Variants in RASA3 observed in about 807,000 individuals in gnomAD.
RASA3 encodes ras GTPase-activating protein 3.
RASA3 carries 73 observed loss-of-function variants against 110.0 expected under a neutral mutation model. The ratio of observed to expected loss-of-function variants is 0.66; its 90% CI spans 0.55 to 0.81. The LOEUF (loss-of-function observed/expected upper bound fraction) is 0.81, where lower values mean the gene tolerates loss of function less well. RASA3 is among the 30% of genes least tolerant of loss of function. The pLI is 0.00. For missense variants in RASA3, 976 were observed against 1,113.2 expected (o/e 0.88, Z 1.75); for synonymous variants, 500 against 451.4 (o/e 1.11, Z -1.37).
intron 2 of RASA3, among the ~76,000 whole-genome samples, chr13:114,066,415 G>A (rs1262504562): frequency 4.6e-5 from 7 of 152,182 alleles, no homozygotes; most frequent in African/African-American, 2.4e-5. Flanking sequence ...GGAGGCGGCC[G>A]GGCGAGAGGA....
At chr13:114,030,405 C>T (rs962443609) in intron 4 of RASA3, among the ~76,000 whole-genome samples, 2 of 68,336 alleles carry the variant, frequency 2.9e-5, no homozygotes, top group Non-Finnish European at 6.7e-5. Flanking sequence ...GCAAGACTCA[C>T]GCAGAGAGCA....
chr13:114,033,205 G>A (rs1188072554), intron 4 of RASA3, among the ~76,000 whole-genome samples: 81 of 38,916 alleles, frequency 2.1e-3, no homozygotes, highest in South Asian at 3.5e-3. Flanking sequence ...CTGACACCAC[G>A]CCCCACAGCA....
At chr13:114,020,795 G>A (rs2053910198) in intron 9 of RASA3, among the ~76,000 whole-genome samples, 1 of 152,244 alleles carries the variant, frequency 6.6e-6, no homozygotes, top group Admixed American at 6.5e-5. Context: ...GACGTGCAGA[G>A]GGGAGTAGAG....
chr13:114,104,119 T>C (rs182654840), intron 1 of RASA3, among the ~76,000 whole-genome samples: 6 of 7,390 alleles, frequency 8.1e-4, no homozygotes, highest in Admixed American at 1.7e-3. Flanking sequence ...CACCCACCCC[T>C]GATGCGTCCA....
chr13:114,032,198 AG>A (rs1474841815), intron 4 of RASA3, among the ~76,000 whole-genome samples: 2 of 152,050 alleles, frequency 1.3e-5, no homozygotes, highest in African/African-American at 2.4e-5. Flanking sequence ...CCACAAATGC[AG>A]GGGGGATCAC....
chr13:114,045,176 G>C (rs2079032813), intron 3 of RASA3, among the ~76,000 whole-genome samples: 1 of 151,808 alleles, frequency 6.6e-6, no homozygotes, highest in South Asian at 2.1e-4. Context: ...ATGCTGACCT[G>C]AGAGAATGCC....
At chr13:114,120,882 A>C (rs937422268) in intron 1 of RASA3, among the ~76,000 whole-genome samples, 4 of 152,228 alleles carry the variant, frequency 2.6e-5, no homozygotes, top group Non-Finnish European at 5.9e-5. Context: ...CTTCTCACAC[A>C]GATCTAAGAG....
intron 1 of RASA3, among the ~76,000 whole-genome samples, chr13:114,113,570 CG>C (rs2080244037): frequency 6.6e-6 from 1 of 151,644 alleles, no homozygotes; most frequent in Non-Finnish European, 1.5e-5. Context: ...CCCACCACGG[CG>C]AGTGATGTCC....
chr13:114,062,567 C>T (rs1386991838), intron 2 of RASA3, among the ~76,000 whole-genome samples: 2 of 133,184 alleles, frequency 1.5e-5, no homozygotes, highest in South Asian at 2.3e-4. Context: ...CGCACGCAGA[C>T]TCGGACACGC....
chr13:114,038,849 C>T (rs564915017), intron 4 of RASA3, among the ~76,000 whole-genome samples: 9 of 152,332 alleles, frequency 5.9e-5, no homozygotes, highest in East Asian at 5.8e-4. Context: ...CCTGAACTTG[C>T]GGGCACAGAG....
intron 1 of RASA3, among the ~76,000 whole-genome samples, chr13:114,104,728 C>T (rs1231909182): frequency 2.0e-5 from 3 of 152,176 alleles, no homozygotes; most frequent in Non-Finnish European, 2.9e-5. Context: ...TCCTTATTTA[C>T]GACTCAGGAC....
intron 3 of RASA3, among the ~76,000 whole-genome samples, chr13:114,045,387 G>A (rs547901321): frequency 2.6e-5 from 4 of 152,314 alleles, no homozygotes; most frequent in Non-Finnish European, 5.9e-5. Context: ...GGCCAGGCCC[G>A]TTCAGAAAGG....
rs139459966 is a variant in RASA3 at position 114,129,741 on chromosome 13, T to C, written c.55+2694A>G. Among the ~76,000 whole-genome samples, 560 of 152,312 alleles carry C rather than the reference T, an allele frequency of 3.7e-3. 3 individuals carry two copies. Among genetic ancestry groups the C allele is most frequent in the African/African-American group, 0.013 (534 of 41,572 alleles). On this transcript the variant is annotated intron_variant, in intron 1 of 23. Transcript: ENST00000334062. ...CCTTGTACGTTCCCACCGGATGTAG[T>C]AGACAATAATTGCCTGGCTTTTGCA...
intron 22 of RASA3, among the ~76,000 whole-genome samples, chr13:113,992,161 G>A (rs953673850): frequency 6.6e-6 from 1 of 152,176 alleles, no homozygotes; most frequent in African/African-American, 2.4e-5. Flanking sequence ...TCACATACGT[G>A]TCCACACACA....
chr13:114,129,772 A>T (rs2080494275), intron 1 of RASA3, among the ~76,000 whole-genome samples: 1 of 152,192 alleles, frequency 6.6e-6, no homozygotes, highest in Non-Finnish European at 1.5e-5. Context: ...TTGCAAACGG[A>T]AAAATGAGGT....
chr13:114,003,580 T>C (rs1191379358), intron 18 of RASA3, among the ~76,000 whole-genome samples: 8 of 152,260 alleles, frequency 5.3e-5, no homozygotes, highest in Admixed American at 5.2e-4. Flanking sequence ...TCAAGCCTCC[T>C]TGCTTTGTGC....
Position 113,984,427 on chromosome 13 carries a change from C to G in RASA3, c.2246-2569G>C, listed in dbSNP as rs1197047891. Among the ~76,000 whole-genome samples the G allele has an allele frequency of 2.6e-5, 2 of 75,930 alleles. 1 individual carries two copies. The highest frequency in any genetic ancestry group is 6.2e-5 in the Non-Finnish European group (2 of 32,432). 49.8% of individuals were successfully genotyped at this position (75,930 alleles called of 152,430 possible). On this transcript the variant is annotated intron_variant, in intron 22 of 23. Transcript: ENST00000334062. ...CATCACTCACCCCTTTGTCCATGAA[C>G]TCAACACTCATCCATCTGTCCATCC...
At position 113,995,921 on chromosome 13, in the gene RASA3, GGCCCGGCT is replaced by G. The variant is rs2053239664; in HGVS notation, c.2141+602_2141+609del. ...CTGATGGGGGACCCGGCTGATGGGG[GGCCCGGCT>G]AATGGGGGGGCCCGGCTAATGGGGG... On this transcript the variant is annotated intron_variant, in intron 21 of 23. Coordinates refer to ENST00000334062, the MANE Select transcript of RASA3 (RefSeq NM_007368.4). Among the ~76,000 whole-genome samples the G allele has an allele frequency of 3.0e-5, 2 of 66,906 alleles. 1 individual carries two copies. Among genetic ancestry groups the G allele is most frequent in the Non-Finnish European group, 5.8e-5 (2 of 34,308 alleles). 43.9% of individuals were successfully genotyped at this position (66,906 alleles called of 152,430 possible).
chr13:114,036,473 G>C (rs1037419095), intron 4 of RASA3, among the ~76,000 whole-genome samples: 1 of 152,226 alleles, frequency 6.6e-6, no homozygotes, highest in African/African-American at 2.4e-5. Context: ...CCTGAAAATG[G>C]TCACTGTGAC....
Sources: gnomAD v4.1 joint callset for allele counts (sites outside exome capture counted in the v4.1 genomes callset) on GRCh38, gnomAD v4.1.1 for gene constraint, MANE v1.5 for transcripts, NCBI Gene and HGNC (gene_info 2026-07-23, HGNC 2026-07-21) for gene names.